The following SORCS3 variants were observed in gnomAD, a reference collection of about 807,000 sequenced individuals.
SORCS3 encodes the protein sortilin related VPS10 domain containing receptor 3.
In SORCS3, 57 loss-of-function variants were observed where a neutral mutation model predicts 146.3. That is an observed-to-expected ratio of 0.39 (90% CI 0.31 to 0.49). The LOEUF is 0.49. Ranked by LOEUF, SORCS3 falls within the 20% of genes least tolerant of loss-of-function variation. The probability of loss-of-function intolerance (pLI) is 0.92; values close to 1 mark genes in which losing one functional copy is unlikely to be tolerated. For synonymous variants in SORCS3, 653 were observed against 618.5 expected (o/e 1.06, Z -0.83); for missense variants, 1,341 against 1,575.5 (o/e 0.85, Z 2.52).
intron 1 of SORCS3, among the ~76,000 whole-genome samples, chr10:104,692,817 G>T (rs535630426): frequency 4.7e-4 from 71 of 152,350 alleles, no homozygotes; most frequent in Admixed American, 2.4e-3. Flanking sequence ...AAGCAGGGCT[G>T]TCATTGCAAC....
chr10:105,096,071 C>G (rs2055743828), intron 6 of SORCS3, among the ~76,000 whole-genome samples: 2 of 151,392 alleles, frequency 1.3e-5, no homozygotes. Context: ...GACAAGTGGT[C>G]CTCAAACCAA....
chr10:105,186,884 CAAAAA>C (rs35043705), intron 14 of SORCS3, among the ~76,000 whole-genome samples: 2 of 101,486 alleles, frequency 2.0e-5, no homozygotes, highest in African/African-American at 3.7e-5. Context: ...GACTCCATCT[CAAAAA>C]AAAAAAAAAA....
intron 1 of SORCS3, among the ~76,000 whole-genome samples, chr10:104,842,196 G>A (rs931807960): frequency 1.3e-5 from 2 of 152,220 alleles, no homozygotes; most frequent in African/African-American, 2.4e-5. Flanking sequence ...TCAATGATCT[G>A]CTTACTCCAT....
chr10:105,044,495 C>T (rs974613125), intron 5 of SORCS3, among the ~76,000 whole-genome samples: 1 of 152,086 alleles, frequency 6.6e-6, no homozygotes, highest in African/African-American at 2.4e-5. Context: ...ATGTGATAGC[C>T]GTTTATGCCT....
intron 2 of SORCS3, among the ~76,000 whole-genome samples, chr10:104,857,807 C>T (rs1393981006): frequency 6.6e-6 from 1 of 152,098 alleles, no homozygotes; most frequent in African/African-American, 2.4e-5. Flanking sequence ...TGTAGAGTCT[C>T]CCTAGGGAAA....
intron 2 of SORCS3, among the ~76,000 whole-genome samples, chr10:104,886,712 C>T (rs1039154046): frequency 2.6e-5 from 4 of 152,134 alleles, no homozygotes; most frequent in Admixed American, 2.6e-4. Flanking sequence ...AATCTACTTG[C>T]CATCTTTTTA....
intron 1 of SORCS3, among the ~76,000 whole-genome samples, chr10:104,802,675 C>A (rs1486886366): frequency 6.6e-6 from 1 of 152,174 alleles, no homozygotes; most frequent in Non-Finnish European, 1.5e-5. Context: ...AAAAATGAAA[C>A]ATAAACAGAA....
At chr10:105,154,385 C>T (rs1047248165) in intron 9 of SORCS3, among the ~76,000 whole-genome samples, 2 of 152,180 alleles carry the variant, frequency 1.3e-5, no homozygotes, top group African/African-American at 4.8e-5. Context: ...TGGGAGGTGA[C>T]CAACAGATGA....
chr10:105,089,097 G>A (rs769854686), intron 5 of SORCS3, among the ~76,000 whole-genome samples: 15 of 152,158 alleles, frequency 9.9e-5, no homozygotes, highest in South Asian at 2.1e-4. Flanking sequence ...AGAGGTCCAC[G>A]AGGATTGTTT....
intron 5 of SORCS3, among the ~76,000 whole-genome samples, chr10:105,077,130 C>T (rs748398957): frequency 3.3e-5 from 5 of 152,152 alleles, no homozygotes; most frequent in South Asian, 2.1e-4. Context: ...TATAGTTTTC[C>T]ACCCTTCCTT....
At chr10:104,927,626 C>G (rs748617712) in intron 3 of SORCS3, among the ~76,000 whole-genome samples, 1 of 152,158 alleles carries the variant, frequency 6.6e-6, no homozygotes, top group Non-Finnish European at 1.5e-5. Flanking sequence ...CACCTGTAAT[C>G]CCAGCACTTT....
At position 105,014,122 on chromosome 10, in the gene SORCS3, CAT is replaced by C. The variant is rs199696544; in HGVS notation, c.955-28921_955-28920del. Among the ~76,000 whole-genome samples the C allele has an allele frequency of 1.2e-4, 18 of 145,866 alleles. 1 individual carries two copies. In the South Asian group the frequency reaches 1.3e-3, roughly 10 times the overall value. On this transcript the variant is annotated intron_variant, in intron 4 of 26. Coordinates refer to ENST00000369701, the MANE Select transcript of SORCS3 (RefSeq NM_014978.3). ...ACATATATATATACACATATATATACATATATATATATAACAACGTAATATAA... is the reference window on the plus strand; with the variant it reads ...ACATATATATATACACATATATATACATATATATATAACAACGTAATATAA...
chr10:104,863,182 T>A (rs1017663407), intron 2 of SORCS3, among the ~76,000 whole-genome samples: 2 of 152,216 alleles, frequency 1.3e-5, no homozygotes, highest in Non-Finnish European at 2.9e-5. Context: ...AAGGAGTTTC[T>A]CAGCTGGAAG....
rs570832231 is a variant in SORCS3 at position 104,876,108 on chromosome 10, A to G, written c.695+33249A>G. 1.2e-4 allele frequency among the ~76,000 whole-genome samples: 19 copies of G among 152,312 alleles called. No homozygotes were observed. In the South Asian group the frequency reaches 3.7e-3, roughly 30 times the overall value. The stretch of plus-strand genomic sequence containing the variant: ...CCTTGACATGGTTATTAGATCTGAC[A>G]TTCCTTGAGAAAAACAGTGAAGCCT... On this transcript the variant is annotated intron_variant, in intron 2 of 26. Coordinates refer to ENST00000369701, the MANE Select transcript of SORCS3 (RefSeq NM_014978.3).
chr10:104,829,755 C>T (rs1274629060), intron 1 of SORCS3, among the ~76,000 whole-genome samples: 1 of 152,148 alleles, frequency 6.6e-6, no homozygotes, highest in Non-Finnish European at 1.5e-5. Context: ...CAGTATTTCA[C>T]TTTACAGGGA....
In SORCS3 at chr10:104,641,986, T is replaced by A; in HGVS notation, c.627+32T>A. The A allele has an allele frequency of 2.4e-6, 2 of 851,060 alleles. No individual in the cohort carries two copies. The highest frequency in any genetic ancestry group is 2.8e-5 in the South Asian group (2 of 72,348). The allele number at this position is 851,060 out of a possible 1,614,324, so 52.7% of individuals were successfully genotyped here. On this transcript the variant is annotated intron_variant, in intron 1 of 26. Coordinates refer to ENST00000369701, the MANE Select transcript of SORCS3 (RefSeq NM_014978.3). The surrounding 1 kb of genome is among the most constrained non-coding windows in gnomAD (Gnocchi z 6.4). The stretch of plus-strand genomic sequence containing the variant: ...ACCCACCCGGCGGCGGGTCCGCCTG[T>A]TTCCTGACACCGAAGGGGAATGGGG...
In SORCS3 at chr10:105,223,152, T is replaced by C. The variant is rs1247516331; in HGVS notation, c.2771T>C (p.Val924Ala). The C allele has an allele frequency of 6.2e-7, 1 of 1,612,212 alleles. No individual in the cohort carries two copies. The highest frequency in any genetic ancestry group is 1.7e-5 in the Admixed American group (1 of 59,940). Reference protein sequence around the residue: ...VEHVHLRVPFVAIRNKEVNIS... With the variant: ...VEHVHLRVPFAAIRNKEVNIS... ...CATGTTCATCTCCGAGTTCCATTTG[T>C]TGCCATAAGAAATAAGGAGGTCAAC... Residue 924 changes from valine (V) to alanine (A), a missense_variant, in exon 20 of 27, where the codon GTT becomes GCT. Transcript: ENST00000369701.
At chr10:104,736,350 A>G (rs2016772731) in intron 1 of SORCS3, among the ~76,000 whole-genome samples, 2 of 152,140 alleles carry the variant, frequency 1.3e-5, no homozygotes, top group Admixed American at 1.3e-4. Context: ...ATTTAGGTGG[A>G]AGGCAAAGTT....
chr10:105,256,712 A>G (rs1467373841), intron 24 of SORCS3, 107 bp from the exon 25 acceptor site: 2 of 789,826 alleles, frequency 2.5e-6, no homozygotes, highest in Non-Finnish European at 4.2e-6. Context: ...GAGACTAGAC[A>G]TAAGGATGGA....
Sources: allele counts gnomAD v4.1 joint callset (sites outside exome capture counted in the v4.1 genomes callset), GRCh38; gene constraint gnomAD v4.1.1; non-coding constraint Gnocchi (gnomAD v3.1); transcripts MANE v1.5; gene names NCBI Gene and HGNC (gene_info 2026-07-23, HGNC 2026-07-21).